The following ADGRB1 variants were observed in gnomAD, a reference collection of about 807,000 sequenced individuals.
ADGRB1 encodes the protein adhesion G protein-coupled receptor B1, also known as brain-specific angiogenesis inhibitor 1.
A neutral mutation model predicts 175.7 loss-of-function variants in ADGRB1; 36 were observed. The ratio of observed to expected loss-of-function variants is 0.20; its 90% CI spans 0.16 to 0.27. The LOEUF is 0.27. ADGRB1 is among the 10% of genes least tolerant of loss of function. The probability of loss-of-function intolerance (pLI) is 1.00; values close to 1 mark genes in which losing one functional copy is unlikely to be tolerated. For missense variants in ADGRB1, 1,731 were observed against 2,255.3 expected (o/e 0.77, Z 4.71); for synonymous variants, 1,054 against 979.4 (o/e 1.08, Z -1.42).
chr8:142,536,905 C>T lies in ADGRB1; in HGVS notation c.3571-82C>T, dbSNP rs111953214. 2.3e-3 allele frequency: 2,817 copies of T among 1,234,898 alleles called. 48 individuals carry two copies. In the African/African-American group the frequency reaches 0.037, roughly 16 times the overall value. The allele number at this position is 1,234,898 out of a possible 1,614,324, so 76.5% of individuals were successfully genotyped here. A position where few individuals can be genotyped will look rare whatever the true frequency, so the allele number is the denominator to read the frequency against. On this transcript the variant is annotated intron_variant, in intron 25 of 30. Coordinates refer to ENST00000517894, the MANE Select transcript of ADGRB1 (RefSeq NM_001702.3). ...CCCTTCCCCGAGACGCCCGCCCCCC[C>T]ACAGGTGCTGCTCATCTGATCTGGC...
intron 19 of ADGRB1, among the ~76,000 whole-genome samples, chr8:142,518,992 A>G (rs1166905858): frequency 2.0e-5 from 3 of 152,142 alleles, no homozygotes; most frequent in Admixed American, 6.5e-5. Flanking sequence ...CGGGAGGTCA[A>G]TGTGGCTGGT....
chr8:142,461,745 G>A (rs1448084653), intron 1 of ADGRB1, among the ~76,000 whole-genome samples: 2 of 152,162 alleles, frequency 1.3e-5, no homozygotes, highest in Non-Finnish European at 2.9e-5. Context: ...GTGCATCTGG[G>A]GCTGACACCA....
chr8:142,474,875 T>G lies in ADGRB1; in HGVS notation c.785-599T>G, dbSNP rs1433167599. On this transcript the variant is annotated intron_variant, in intron 2 of 30. Coordinates refer to ENST00000517894, the MANE Select transcript of ADGRB1 (RefSeq NM_001702.3). The surrounding 1 kb of genome is among the most constrained non-coding windows in gnomAD (Gnocchi z 5.8). ...CTGGCCAGGTCCAGGGCAGGCTCCG[T>G]CAGGCTGTGCCCTGGGTTCGAGGCC... Among the ~76,000 whole-genome samples, 2 of 152,108 alleles carry G rather than the reference T, an allele frequency of 1.3e-5. No homozygotes were observed. The highest frequency in any genetic ancestry group is 2.9e-5 in the Non-Finnish European group (2 of 68,010).
At position 142,541,877 on chromosome 8, in the gene ADGRB1, G is replaced by A. The variant is rs749075932; in HGVS notation, c.3707-64G>A. The A allele has an allele frequency of 1.3e-4, 188 of 1,453,360 alleles. 1 individual carries two copies. Among genetic ancestry groups the A allele is most frequent in the East Asian group, 1.2e-3 (50 of 40,218 alleles). The allele number at this position is 1,453,360 out of a possible 1,614,324, so 90.0% of individuals were successfully genotyped here. ...GCAGACTGGGCCCCTCTCCTGCTGG[G>A]GACTGTCCTACGCCATCCTCACCCC... On this transcript the variant is annotated intron_variant, in intron 27 of 30. Coordinates refer to ENST00000517894, the MANE Select transcript of ADGRB1 (RefSeq NM_001702.3).
chr8:142,476,294 G>T (rs1840969740), intron 3 of ADGRB1, among the ~76,000 whole-genome samples: 1 of 152,226 alleles, frequency 6.6e-6, no homozygotes, highest in South Asian at 2.1e-4. Flanking sequence ...GAGGCAGGGG[G>T]CTGTTGGGGT....
At chr8:142,535,530 C>CG (rs993170835) in intron 25 of ADGRB1, among the ~76,000 whole-genome samples, 4 of 152,158 alleles carry the variant, frequency 2.6e-5, no homozygotes, top group African/African-American at 7.2e-5. Flanking sequence ...TCCTCAGCCT[C>CG]GGGGGTGGTG....
At chr8:142,467,256 C>A (rs546474206) in intron 2 of ADGRB1, among the ~76,000 whole-genome samples, 3 of 152,190 alleles carry the variant, frequency 2.0e-5, no homozygotes, top group Non-Finnish European at 4.4e-5. Context: ...GGCAGAAGAG[C>A]CAGATGGTTG....
chr8:142,457,190 G>T (rs912096008), intron 1 of ADGRB1, among the ~76,000 whole-genome samples: 1 of 152,182 alleles, frequency 6.6e-6, no homozygotes, highest in Non-Finnish European at 1.5e-5. Flanking sequence ...AAGATGAGGG[G>T]TAACACAGCT....
intron 2 of ADGRB1, among the ~76,000 whole-genome samples, chr8:142,467,149 C>T (rs1840324811): frequency 6.6e-6 from 1 of 152,224 alleles, no homozygotes. Flanking sequence ...TCACTGGGCA[C>T]CTACTGAGTG....
intron 13 of ADGRB1, 98 bp from the exon 14 acceptor site, chr8:142,488,266 C>T: frequency 1.3e-6 from 2 of 1,504,452 alleles, no homozygotes; most frequent in Admixed American, 1.7e-5. Context: ...CATCAGCCTG[C>T]ACTGCCAGGC....
intron 16 of ADGRB1, among the ~76,000 whole-genome samples, chr8:142,490,549 C>T (rs934781367): frequency 5.3e-5 from 8 of 152,230 alleles, no homozygotes; most frequent in African/African-American, 1.9e-4. Context: ...AGGAGCTGCC[C>T]GAGGCCACAT....
At chr8:142,461,384 G>A (rs1839959788) in intron 1 of ADGRB1, among the ~76,000 whole-genome samples, 2 of 152,210 alleles carry the variant, frequency 1.3e-5, no homozygotes, top group South Asian at 4.1e-4. Context: ...CACCAAGCTG[G>A]AGCCTGTCCT....
Position 142,510,228 on chromosome 8 carries a change from G to A in ADGRB1, c.2676-704G>A, listed in dbSNP as rs1843010823. 6.6e-6 allele frequency among the ~76,000 whole-genome samples: 1 copy of A among 152,146 alleles called. No individual in the cohort carries two copies. Among genetic ancestry groups the A allele is most frequent in the Non-Finnish European group, 1.5e-5 (1 of 68,006 alleles). ...AATGCGTGCTCAGATGAAAAGCGGG[G>A]CAGTCGCGGCCCGTAGACAGCGGGC... is the stretch of plus-strand genomic sequence containing the variant. On this transcript the variant is annotated intron_variant, in intron 17 of 30. Coordinates refer to ENST00000517894, the MANE Select transcript of ADGRB1 (RefSeq NM_001702.3). This position sits in a 1 kb window ranked among gnomAD's most constrained non-coding sequence, Gnocchi z 6.3.
chr8:142,499,262 G>T (rs1842369794), intron 17 of ADGRB1, among the ~76,000 whole-genome samples: 2 of 152,236 alleles, frequency 1.3e-5, no homozygotes, highest in Admixed American at 6.5e-5. Context: ...GTGGTTATGG[G>T]TGACTTCCCC....
rs1563671791 is a variant in ADGRB1, at chr8:142,455,020, C to G, written c.-220+4916C>G. ...AACACAAACATGCACACACCCACCC[C>G]TTCTGTCCCCTGTCCTGCTCATCGC... On this transcript the variant is annotated intron_variant, in intron 1 of 30. Coordinates refer to ENST00000517894, the MANE Select transcript of ADGRB1 (RefSeq NM_001702.3). This position sits in a 1 kb window ranked among gnomAD's most constrained non-coding sequence, Gnocchi z 4.9. Among the ~76,000 whole-genome samples the G allele has an allele frequency of 6.6e-6, 1 of 151,966 alleles. No individual in the cohort carries two copies. The highest frequency in any genetic ancestry group is 1.5e-5 in the Non-Finnish European group (1 of 67,974).
chr8:142,487,100 C>T (rs1841707372), intron 13 of ADGRB1, among the ~76,000 whole-genome samples: 1 of 152,224 alleles, frequency 6.6e-6, no homozygotes, highest in African/African-American at 2.4e-5. Flanking sequence ...GCTACTACTT[C>T]AATAATTCTG....
intron 2 of ADGRB1, among the ~76,000 whole-genome samples, chr8:142,467,374 C>A (rs1479065855): frequency 6.6e-6 from 1 of 152,198 alleles, no homozygotes; most frequent in Non-Finnish European, 1.5e-5. Flanking sequence ...CAGGACGCTG[C>A]AGCAGCAGTG....
chr8:142,480,126 G>A (rs904417689), intron 9 of ADGRB1, among the ~76,000 whole-genome samples: 4 of 152,342 alleles, frequency 2.6e-5, no homozygotes, highest in East Asian at 1.9e-4. Flanking sequence ...GGGCTTGCGG[G>A]GACAGGAAGA....
chr8:142,473,477 T>C (rs1272840402), intron 2 of ADGRB1, among the ~76,000 whole-genome samples: 1 of 152,188 alleles, frequency 6.6e-6, no homozygotes, highest in Non-Finnish European at 1.5e-5. Flanking sequence ...CAGGTTCCTC[T>C]CCTTGTCCTG....
Sources: gnomAD v4.1 joint callset for allele counts (sites outside exome capture counted in the v4.1 genomes callset) on GRCh38, gnomAD v4.1.1 for gene constraint, Gnocchi (gnomAD v3.1) non-coding constraint, MANE v1.5 for transcripts, NCBI Gene and HGNC (gene_info 2026-07-23, HGNC 2026-07-21) for gene names.